The following ZNF469 variants were observed in gnomAD, a reference collection of about 807,000 sequenced individuals.
ZNF469 encodes zinc finger protein 469.
In ZNF469, 1 loss-of-function variant was observed where a neutral mutation model predicts 1.0. That is an observed-to-expected ratio of 1.00 (90% CI 0.35 to 4.73). The LOEUF (loss-of-function observed/expected upper bound fraction) is 4.73, where lower values mean the gene tolerates loss of function less well. Among genes scored for constraint, ZNF469 ranks in the 30% most tolerant of loss-of-function variants. ZNF469 has a pLI of 0.16. For synonymous variants in ZNF469, 2,703 were observed against 2,363.4 expected, an observed-to-expected ratio of 1.14 and a Z score of -4.17; for missense variants, 6,100 against 5,356.3, an observed-to-expected ratio of 1.14 and a Z score of -4.33.
chr16:88,316,705 C>T, the ZNF469 span, among the ~76,000 whole-genome samples: 3 of 152,120 alleles, frequency 2.0e-5, no homozygotes, highest in African/African-American at 7.2e-5. Context: ...CGCCACCACG[C>T]CCAGCTAATT....
the ZNF469 span, among the ~76,000 whole-genome samples, chr16:88,253,531 TTTG>T: frequency 1.3e-5 from 2 of 151,066 alleles, no homozygotes; most frequent in South Asian, 4.2e-4. Context: ...TTGTCCATTT[TTTG>T]TTGTTGTTGT....
the ZNF469 span, among the ~76,000 whole-genome samples, chr16:88,245,651 C>T: frequency 6.6e-6 from 1 of 152,260 alleles, no homozygotes; most frequent in African/African-American, 2.4e-5. Context: ...GAATTCTCAT[C>T]CCCAAGTGTC....
chr16:88,374,591 T>C, the ZNF469 span, among the ~76,000 whole-genome samples: 1 of 152,232 alleles, frequency 6.6e-6, no homozygotes, highest in Non-Finnish European at 1.5e-5. Context: ...ACGAAGTCCA[T>C]GTTTATTCCT....
the ZNF469 span, among the ~76,000 whole-genome samples, chr16:88,168,356 C>T: frequency 1.3e-5 from 2 of 152,086 alleles, no homozygotes; most frequent in African/African-American, 2.4e-5. This position sits in a 1 kb window ranked among gnomAD's most constrained non-coding sequence, Gnocchi z 4.3. Flanking sequence ...GTTTTTTTCC[C>T]CACATATTTT....
the ZNF469 span, among the ~76,000 whole-genome samples, chr16:88,189,046 G>A: frequency 4.6e-5 from 7 of 152,068 alleles, no homozygotes; most frequent in Non-Finnish European, 1.0e-4. The surrounding 1 kb of genome is among the most constrained non-coding windows in gnomAD (Gnocchi z 4.3). Context: ...TCCCCAATGA[G>A]GGGAGGATGT....
the ZNF469 span, among the ~76,000 whole-genome samples, chr16:88,164,967 C>T: frequency 0.02 from 2,999 of 152,306 alleles, 91 homozygotes; most frequent in African/African-American, 0.068. Flanking sequence ...GCCACGGTGC[C>T]GAGGGAAGGC....
At chr16:88,225,416 C>G in the ZNF469 span, among the ~76,000 whole-genome samples, 10 of 152,190 alleles carry the variant, frequency 6.6e-5, no homozygotes, top group Non-Finnish European at 1.5e-4. Context: ...GGCTTTAGAT[C>G]AAAGGCCCCC....
intron 1 of ZNF469, among the ~76,000 whole-genome samples, chr16:88,389,815 GT>G (rs1295714776): frequency 6.6e-6 from 1 of 152,256 alleles, no homozygotes; most frequent in Non-Finnish European, 1.5e-5. Flanking sequence ...CGACAGCGCA[GT>G]CCCCCAGGAG....
chr16:88,179,014 C>T, the ZNF469 span: 1 of 152,232 alleles, frequency 6.6e-6, no homozygotes, highest in Non-Finnish European at 1.5e-5. Context: ...CACATCTCTA[C>T]CCGTCCTCCC....
the ZNF469 span, among the ~76,000 whole-genome samples, chr16:88,348,987 G>A: frequency 5.3e-5 from 8 of 152,152 alleles, no homozygotes; most frequent in Admixed American, 2.6e-4. Context: ...GACAGCATAC[G>A]AGTCCTCGGC....
At chr16:88,361,250 G>C in the ZNF469 span, among the ~76,000 whole-genome samples, 1 of 152,198 alleles carries the variant, frequency 6.6e-6, no homozygotes, top group African/African-American at 2.4e-5. Flanking sequence ...GTGAGCCATG[G>C]GGAGTGGACG....
intron 1 of ZNF469, among the ~76,000 whole-genome samples, chr16:88,408,736 G>A (rs993416183): frequency 1.9e-4 from 28 of 150,644 alleles, no homozygotes; most frequent in African/African-American, 6.3e-4. Context: ...TGACCCTCCC[G>A]CCTGGCCCCC....
chr16:88,152,004 T>C, the ZNF469 span, among the ~76,000 whole-genome samples: 3 of 152,196 alleles, frequency 2.0e-5, no homozygotes, highest in Non-Finnish European at 1.5e-5. This position sits in a 1 kb window ranked among gnomAD's most constrained non-coding sequence, Gnocchi z 4.2. Flanking sequence ...AGATACTCCC[T>C]TCTTACACAG....
At chr16:88,332,715 G>A in the ZNF469 span, among the ~76,000 whole-genome samples, 1 of 152,220 alleles carries the variant, frequency 6.6e-6, no homozygotes, top group South Asian at 2.1e-4. Flanking sequence ...GGCAGGATGG[G>A]GGAGGGGGGG....
chr16:88,191,964 G>T, the ZNF469 span, among the ~76,000 whole-genome samples: 1 of 152,168 alleles, frequency 6.6e-6, no homozygotes, highest in Admixed American at 6.5e-5. Context: ...TTGGAGGGGG[G>T]GACTTTGGAG....
the ZNF469 span, among the ~76,000 whole-genome samples, chr16:88,303,513 C>T: frequency 6.6e-6 from 1 of 152,218 alleles, no homozygotes; most frequent in Non-Finnish European, 1.5e-5. Context: ...CATGGAACTC[C>T]ACTGCCGGGA....
chr16:88,397,801 C>G (rs982848288), intron 1 of ZNF469, among the ~76,000 whole-genome samples: 1 of 152,278 alleles, frequency 6.6e-6, no homozygotes, highest in African/African-American at 2.4e-5. Flanking sequence ...GTTGGAAATC[C>G]CCTCCCTGGA....
the ZNF469 span, among the ~76,000 whole-genome samples, chr16:88,144,024 A>AAACGGCGCAGGGTC: frequency 6.6e-6 from 1 of 152,076 alleles, no homozygotes; most frequent in East Asian, 1.9e-4. Flanking sequence ...GGCGCAGGGG[A>AAACGGCGCAGGGTC]AACGGCGCAG....
the ZNF469 span, among the ~76,000 whole-genome samples, chr16:88,108,181 G>A: frequency 6.8e-6 from 1 of 146,038 alleles, no homozygotes; most frequent in Non-Finnish European, 1.5e-5. Flanking sequence ...ATGTGGGGAT[G>A]GAGGTGCACA....
Sources: allele counts gnomAD v4.1 joint callset (sites outside exome capture counted in the v4.1 genomes callset), GRCh38; gene constraint gnomAD v4.1.1; non-coding constraint Gnocchi (gnomAD v3.1); transcripts MANE v1.5; gene names NCBI Gene and HGNC (gene_info 2026-07-23, HGNC 2026-07-21).